The following ZNF577 variants were observed in gnomAD, a reference collection of about 807,000 sequenced individuals.
The protein encoded by ZNF577 is zinc finger protein 577.
A neutral mutation model predicts 13.9 loss-of-function variants in ZNF577; 14 were observed. That is an observed-to-expected ratio of 1.00 (90% CI 0.66 to 1.57). ZNF577 has a LOEUF of 1.57. Ranked by LOEUF, ZNF577 falls within the 40% of genes most tolerant of loss-of-function variation. The pLI, the probability that ZNF577 is intolerant of heterozygous loss-of-function variation, is 0.00. For synonymous variants in ZNF577, 203 were observed against 202.9 expected (o/e 1.00, Z 0.00); for missense variants, 555 against 579.2 (o/e 0.96, Z 0.43).
At chr19:51,836,941 G>C (rs2084290422) in intron 9 of ZNF577, among the ~76,000 whole-genome samples, 1 of 151,730 alleles carries the variant, frequency 6.6e-6, no homozygotes, top group African/African-American at 2.4e-5. Context: ...CTACTTGGGA[G>C]GCAGAGGCAG....
At chr19:51,805,718 G>A (rs1483848806) in intron 10 of ZNF577, among the ~76,000 whole-genome samples, 2 of 152,060 alleles carry the variant, frequency 1.3e-5, no homozygotes, top group African/African-American at 2.4e-5. Flanking sequence ...AATTCTCTAC[G>A]TACTGAGCCG....
intron 9 of ZNF577, among the ~76,000 whole-genome samples, chr19:51,820,844 G>T (rs543857886): frequency 3.9e-5 from 6 of 152,278 alleles, no homozygotes; most frequent in African/African-American, 1.4e-4. Flanking sequence ...TAAAACTAAG[G>T]TTAGTCAATA....
chr19:51,807,483 G>A (rs2084067890), intron 10 of ZNF577, among the ~76,000 whole-genome samples: 1 of 152,140 alleles, frequency 6.6e-6, no homozygotes, highest in African/African-American at 2.4e-5. Flanking sequence ...TCGGGTCCCT[G>A]CAGTTGATAG....
At chr19:51,815,616 C>T (rs975815824) in intron 9 of ZNF577, among the ~76,000 whole-genome samples, 1 of 151,586 alleles carries the variant, frequency 6.6e-6, no homozygotes, top group African/African-American at 2.4e-5. Flanking sequence ...ACTTGTCATC[C>T]CAGCACTTTG....
In ZNF577 at chr19:51,873,676, C is replaced by A. The variant is rs764004657; in HGVS notation, c.314G>T (p.Gly105Val). The change falls in exon 6 of 6, where the codon GGA becomes GTA. Residue 105 changes from glycine to valine, a missense_variant. Coordinates refer to ENST00000638348, the MANE Select transcript of ZNF577 (RefSeq NM_001370449.1). ...GFVIQSRRYAGKDSDAFGGYG... is the reference protein window; with the variant it reads ...GFVIQSRRYAVKDSDAFGGYG... ...TCCACCAAATGCATCAGAATCTTTTCCTGCATATCTTCTACTCTGGATTAC... is the reference window on the plus strand; with the variant it reads ...TCCACCAAATGCATCAGAATCTTTTACTGCATATCTTCTACTCTGGATTAC... 1 of 1,612,950 alleles carries A rather than the reference C, an allele frequency of 6.2e-7. No homozygotes were observed. The highest frequency in any genetic ancestry group is 1.3e-5 in the African/African-American group (1 of 74,996).
At chr19:51,814,499 G>GT (rs1243469957) in intron 9 of ZNF577, among the ~76,000 whole-genome samples, 4 of 142,076 alleles carry the variant, frequency 2.8e-5, no homozygotes, top group East Asian at 4.1e-4. Context: ...TGTTTGTTTT[G>GT]TTTTTTTGTT....
rs577887050 is a variant in ZNF577, at chr19:51,809,865, G to A, written c.*817+1592C>T. Among the ~76,000 whole-genome samples, 30 of 152,270 alleles carry A rather than the reference G, an allele frequency of 2.0e-4. 1 individual carries two copies. In the South Asian group the frequency reaches 2.9e-3, roughly 15 times the overall value. The stretch of plus-strand genomic sequence containing the variant: ...GCCTCTGGGAACCCATGCCTGGAAC[G>A]GGGTTGAGGTCTGGACTGGGAATGC... On this transcript the variant is annotated intron_variant and NMD_transcript_variant, in intron 10 of 10. Coordinates refer to the ZNF577 transcript ENST00000638827.
chr19:51,814,129 GAAAACATCC>G (rs1309004654), intron 9 of ZNF577, among the ~76,000 whole-genome samples: 1 of 152,124 alleles, frequency 6.6e-6, no homozygotes, highest in Admixed American at 6.5e-5. Context: ...CTTTATCACT[GAAAACATCC>G]TTTGGTATAG....
chr19:51,838,158 C>T (rs937653209), intron 9 of ZNF577, among the ~76,000 whole-genome samples: 1 of 152,144 alleles, frequency 6.6e-6, no homozygotes, highest in Non-Finnish European at 1.5e-5. Flanking sequence ...CAACAGAGAA[C>T]AAATACAAAT....
intron 9 of ZNF577, among the ~76,000 whole-genome samples, chr19:51,834,375 C>T (rs2084278001): frequency 6.6e-6 from 1 of 152,164 alleles, no homozygotes; most frequent in South Asian, 2.1e-4. Context: ...CCATTTCTTA[C>T]ACCTAAGAGT....
chr19:51,844,766 T>C (rs2084341561), exon 6 of ZNF577: 1 of 152,200 alleles, frequency 6.6e-6, no homozygotes, highest in South Asian at 2.1e-4. Context: ...ACTTGGAACT[T>C]TGTCATGTTC....
intron 9 of ZNF577, among the ~76,000 whole-genome samples, chr19:51,838,216 T>C (rs1244115815): frequency 1.3e-5 from 2 of 152,176 alleles, no homozygotes; most frequent in African/African-American, 4.8e-5. Context: ...TTGAGTTCTT[T>C]AGGTATCCAC....
intron 5 of ZNF577, among the ~76,000 whole-genome samples, chr19:51,847,277 C>T (rs575391121): frequency 2.6e-5 from 4 of 152,154 alleles, no homozygotes; most frequent in South Asian, 2.1e-4. Context: ...AAATATAATA[C>T]CTCAATGTAA....
Position 51,869,102 on chromosome 19 carries a change from C to G in ZNF577, c.*3430G>C, listed in dbSNP as rs961602923. Among the ~76,000 whole-genome samples the G allele has an allele frequency of 3.9e-5, 6 of 152,120 alleles. No homozygotes were observed. In the South Asian group the frequency reaches 6.2e-4, roughly 16 times the overall value. ...TATGGCCTCGTGGGAAGGGAAAGAC[C>G]TGACCGTCCCCAAGCCCGATACCCA... On this transcript the variant is annotated 3_prime_UTR_variant, in exon 6 of 6. Coordinates refer to ENST00000638348, the MANE Select transcript of ZNF577 (RefSeq NM_001370449.1).
chr19:51,826,875 A>C (rs899469221), intron 9 of ZNF577, among the ~76,000 whole-genome samples: 8 of 152,122 alleles, frequency 5.3e-5, no homozygotes, highest in Admixed American at 5.2e-4. Context: ...GGGTCACAGG[A>C]CCACTTGAGT....
intron 5 of ZNF577, among the ~76,000 whole-genome samples, chr19:51,874,487 T>TAA (rs71900163): frequency 4.6e-4 from 66 of 144,228 alleles, no homozygotes; most frequent in African/African-American, 1.1e-3. Context: ...TTAGGTGTGA[T>TAA]AAAAAAAAAA....
In ZNF577 at chr19:51,867,348, G is replaced by C. The variant is rs932251555; in HGVS notation, c.*5184C>G. On this transcript the variant is annotated 3_prime_UTR_variant, in exon 6 of 6. Coordinates refer to ENST00000638348, the MANE Select transcript of ZNF577 (RefSeq NM_001370449.1). ...ATTTCTAAGGTATGATCTAGATATT[G>C]TCTTTTCTGATTCTGAACATCGGAC... 6.6e-6 allele frequency among the ~76,000 whole-genome samples: 1 copy of C among 152,054 alleles called. No homozygotes were observed. Among genetic ancestry groups the C allele is most frequent in the Non-Finnish European group, 1.5e-5 (1 of 68,012 alleles).
intron 10 of ZNF577, among the ~76,000 whole-genome samples, chr19:51,809,238 C>T (rs1415314182): frequency 1.3e-5 from 2 of 152,204 alleles, no homozygotes; most frequent in African/African-American, 4.8e-5. Context: ...ACATGACTGT[C>T]CATCTGGACC....
chr19:51,857,365 G>GGAAGGAAAGAAAGAAAGAAAGAAA (rs1338621079), intron 5 of ZNF577, among the ~76,000 whole-genome samples: 11 of 93,354 alleles, frequency 1.2e-4, no homozygotes, highest in African/African-American at 4.8e-4. Flanking sequence ...AAAGAAGGAA[G>GGAAGGAAAGAAAGAAAGAAAGAAA]GAAAGAAAGA....
Sources: gnomAD v4.1 joint callset for allele counts (sites outside exome capture counted in the v4.1 genomes callset) on GRCh38, gnomAD v4.1.1 for gene constraint, MANE v1.5 for transcripts, NCBI Gene and HGNC (gene_info 2026-07-23, HGNC 2026-07-21) for gene names.